Variants in FRMD4B observed in about 807,000 individuals in gnomAD.
FRMD4B encodes the protein FERM domain-containing protein 4B.
In FRMD4B, 74 loss-of-function variants were observed where a neutral mutation model predicts 141.5. The observed-to-expected ratio is 0.52, with a 90% CI of 0.43 to 0.63. The LOEUF is 0.63. Among genes scored for constraint, FRMD4B ranks in the 30% least tolerant of loss-of-function variants. The pLI is 0.00. For synonymous variants in FRMD4B, 506 were observed against 467.9 expected (o/e 1.08, Z -1.05); for missense variants, 1,366 against 1,253.4 (o/e 1.09, Z -1.36).
intron 1 of FRMD4B, among the ~76,000 whole-genome samples, chr3:69,462,016 T>C (rs1355299678): frequency 6.6e-6 from 1 of 152,138 alleles, no homozygotes; most frequent in African/African-American, 2.4e-5. Flanking sequence ...CTCACAATAT[T>C]TTGCTTACGG....
intron 2 of FRMD4B, among the ~76,000 whole-genome samples, chr3:69,401,176 A>G (rs1030486632): frequency 3.9e-5 from 6 of 152,226 alleles, no homozygotes; most frequent in African/African-American, 1.4e-4. Flanking sequence ...CTGAAGAAGA[A>G]TTTTTAAAAT....
At chr3:69,279,911 A>G (rs2093637100) in intron 5 of FRMD4B, among the ~76,000 whole-genome samples, 1 of 151,672 alleles carries the variant, frequency 6.6e-6, no homozygotes, top group Non-Finnish European at 1.5e-5. Context: ...CTGTCTTTTC[A>G]TTATTACCAT....
At position 69,455,887 on chromosome 3, in the gene FRMD4B, C is replaced by G. The variant is rs532583099; in HGVS notation, c.-128-23126G>C. 2.0e-4 allele frequency among the ~76,000 whole-genome samples: 30 copies of G among 152,310 alleles called. No homozygotes were observed. In the South Asian group the frequency reaches 5.6e-3, roughly 28 times the overall value. ...CAGCTTGAGACTTCTACTCTAGGTTCAGGATCCTGTTCCACCATCACCTGG... is the reference window on the plus strand; with the variant it reads ...CAGCTTGAGACTTCTACTCTAGGTTGAGGATCCTGTTCCACCATCACCTGG... On this transcript the variant is annotated intron_variant, in intron 1 of 5. Transcript: ENST00000459638.
At chr3:69,370,049 A>G (rs1703781072) in intron 1 of FRMD4B, among the ~76,000 whole-genome samples, 1 of 152,000 alleles carries the variant, frequency 6.6e-6, no homozygotes. Context: ...AGTTGGGGAA[A>G]GCAAGCTTTT....
At chr3:69,313,431 A>T in intron 2 of FRMD4B, 21 bp downstream of exon 2, 1 of 1,540,206 alleles carries the variant, frequency 6.5e-7, no homozygotes, top group Non-Finnish European at 8.8e-7. Context: ...TCTGGGCAAC[A>T]CACATGTGGG....
chr3:69,357,642 C>T (rs1001472758), intron 1 of FRMD4B, among the ~76,000 whole-genome samples: 9 of 152,228 alleles, frequency 5.9e-5, no homozygotes, highest in East Asian at 5.8e-4. Flanking sequence ...AGAAGCTTTG[C>T]GTTTTATCTC....
At chr3:69,540,846 C>A (rs1701171987) in intron 1 of FRMD4B, among the ~76,000 whole-genome samples, 1 of 151,772 alleles carries the variant, frequency 6.6e-6, no homozygotes, top group Admixed American at 6.6e-5. Context: ...CGGTAAGTTA[C>A]TTAACCTCTC....
chr3:69,355,995 A>C, intron 1 of FRMD4B, among the ~76,000 whole-genome samples: 1 of 151,960 alleles, frequency 6.6e-6, no homozygotes, highest in Non-Finnish European at 1.5e-5. Context: ...ACTGCACTCC[A>C]GCCTGGGTGA....
chr3:69,281,945 T>C (rs2107016049), intron 5 of FRMD4B, among the ~76,000 whole-genome samples: 1 of 152,208 alleles, frequency 6.6e-6, no homozygotes, highest in South Asian at 2.1e-4. Context: ...GGCACAATTG[T>C]TTCTTTCAAC....
chr3:69,495,044 G>C (rs1006378841), intron 1 of FRMD4B, among the ~76,000 whole-genome samples: 1 of 152,116 alleles, frequency 6.6e-6, no homozygotes, highest in East Asian at 1.9e-4. Context: ...CCCAAAATGT[G>C]TTTAGCATTC....
intron 1 of FRMD4B, among the ~76,000 whole-genome samples, chr3:69,470,877 T>C (rs1025306283): frequency 6.6e-6 from 1 of 152,218 alleles, no homozygotes; most frequent in Non-Finnish European, 1.5e-5. Context: ...ATGTAAGCAC[T>C]TAGGCTAAAT....
intron 1 of FRMD4B, among the ~76,000 whole-genome samples, chr3:69,477,124 T>C (rs1575816302): frequency 1.3e-5 from 2 of 152,202 alleles, no homozygotes; most frequent in African/African-American, 4.8e-5. Context: ...TGGGGTTTTC[T>C]AGATACACAA....
chr3:69,232,313 T>C (rs1317370384), intron 7 of FRMD4B, among the ~76,000 whole-genome samples: 3 of 152,134 alleles, frequency 2.0e-5, no homozygotes, highest in Admixed American at 2.0e-4. Context: ...AAACCAGAAA[T>C]TGCTTCTCTC....
At chr3:69,238,861 T>C (rs2093363374) in intron 7 of FRMD4B, among the ~76,000 whole-genome samples, 1 of 152,160 alleles carries the variant, frequency 6.6e-6, no homozygotes, top group South Asian at 2.1e-4. Context: ...AACACTTTAT[T>C]CCTACCACTC....
intron 2 of FRMD4B, among the ~76,000 whole-genome samples, chr3:69,432,334 A>ACT (rs1461451212): frequency 6.6e-6 from 1 of 152,182 alleles, no homozygotes; most frequent in Non-Finnish European, 1.5e-5. Context: ...CACAATTAGT[A>ACT]CTTTTTTTTG....
chr3:69,172,142 A>C (rs1423092030), intron 22 of FRMD4B, among the ~76,000 whole-genome samples, 161 bp from the exon 23 acceptor site: 1 of 152,200 alleles, frequency 6.6e-6, no homozygotes, highest in Non-Finnish European at 1.5e-5. Flanking sequence ...ATGTTCTTTC[A>C]ATGTCATACT....
At chr3:69,234,689 C>G (rs1352334155) in intron 7 of FRMD4B, among the ~76,000 whole-genome samples, 1 of 152,140 alleles carries the variant, frequency 6.6e-6, no homozygotes, top group Non-Finnish European at 1.5e-5. Flanking sequence ...TCATTGTACC[C>G]TCGTACCCTG....
intron 7 of FRMD4B, among the ~76,000 whole-genome samples, chr3:69,240,047 C>G (rs1429816779): frequency 6.6e-6 from 1 of 151,508 alleles, no homozygotes; most frequent in Non-Finnish European, 1.5e-5. Flanking sequence ...GAGCAAGACT[C>G]TGTCTCAAAC....
chr3:69,410,057 T>C (rs904906871), intron 2 of FRMD4B, among the ~76,000 whole-genome samples: 1 of 152,182 alleles, frequency 6.6e-6, no homozygotes, highest in Non-Finnish European at 1.5e-5. Context: ...TTTCCTCAAA[T>C]GGCTCAGATT....
Sources: gnomAD v4.1 joint callset for allele counts (sites outside exome capture counted in the v4.1 genomes callset) on GRCh38, gnomAD v4.1.1 for gene constraint, MANE v1.5 for transcripts, NCBI Gene and HGNC (gene_info 2026-07-23, HGNC 2026-07-21) for gene names.